Variants in CSMD1 observed in about 807,000 individuals in gnomAD.
CSMD1 encodes CUB and sushi domain-containing protein 1.
A neutral mutation model predicts 417.5 loss-of-function variants in CSMD1; 213 were observed. That is an observed-to-expected ratio of 0.51 (90% CI 0.46 to 0.57). The LOEUF is 0.57. CSMD1 is among the 20% of genes least tolerant of loss of function. The pLI, the probability that CSMD1 is intolerant of heterozygous loss-of-function variation, is 0.00. For missense variants in CSMD1, 6,923 were observed against 4,529.7 expected, an observed-to-expected ratio of 1.53 and a Z score of -15.17; for synonymous variants, 2,862 against 1,736.8, an observed-to-expected ratio of 1.65 and a Z score of -16.11.
intron 3 of CSMD1, among the ~76,000 whole-genome samples, chr8:4,197,584 A>G (rs1268560412): frequency 6.6e-6 from 1 of 152,154 alleles, no homozygotes; most frequent in African/African-American, 2.4e-5. Flanking sequence ...CTGGCTAATA[A>G]AAATCATCTT....
At position 3,648,674 on chromosome 8, in the gene CSMD1, A is replaced by T. The variant is rs530768648; in HGVS notation, c.1010-31877T>A. On this transcript the variant is annotated intron_variant, in intron 7 of 69. Coordinates refer to ENST00000635120, the MANE Select transcript of CSMD1 (RefSeq NM_033225.6). Reference sequence around the variant, plus strand: ...TGACCTTACTTTGAAACATACGGCTATACCAAATCCTATAAAAATGGTCTA... The same window carrying T: ...TGACCTTACTTTGAAACATACGGCTTTACCAAATCCTATAAAAATGGTCTA... Among the ~76,000 whole-genome samples, 12 of 152,342 alleles carry T rather than the reference A, an allele frequency of 7.9e-5. No individual in the cohort carries two copies. In the South Asian group the frequency reaches 2.3e-3, roughly 29 times the overall value.
chr8:4,262,146 T>A (rs1803930766), intron 3 of CSMD1, among the ~76,000 whole-genome samples: 1 of 152,192 alleles, frequency 6.6e-6, no homozygotes, highest in Admixed American at 6.5e-5. Flanking sequence ...CTAATTCTGC[T>A]ATTTGTAGAT....
intron 1 of CSMD1, 29 bp downstream of exon 1, chr8:4,994,303 C>T: frequency 1.9e-6 from 3 of 1,602,220 alleles, no homozygotes; most frequent in Non-Finnish European, 2.6e-6. Context: ...GCTCTACCGC[C>T]TCCCCGGCCA....
chr8:3,073,471 G>C (rs570072777), intron 49 of CSMD1, among the ~76,000 whole-genome samples: 11 of 152,320 alleles, frequency 7.2e-5, no homozygotes, highest in East Asian at 1.9e-4. Flanking sequence ...ATTCACTCTA[G>C]AATAGGAAGC....
At chr8:3,222,731 T>C (rs1158098041) in intron 28 of CSMD1, among the ~76,000 whole-genome samples, 2 of 152,132 alleles carry the variant, frequency 1.3e-5, no homozygotes, top group Non-Finnish European at 2.9e-5. Context: ...AGCCAGTGAG[T>C]GTTCACTGGT....
chr8:4,844,812 G>A (rs1053599909), intron 1 of CSMD1, among the ~76,000 whole-genome samples: 15 of 152,052 alleles, frequency 9.9e-5, no homozygotes, highest in South Asian at 4.2e-4. Flanking sequence ...TCTCATTCAC[G>A]GGACAATCCA....
At chr8:4,556,591 G>C (rs900679895) in intron 2 of CSMD1, among the ~76,000 whole-genome samples, 2 of 152,108 alleles carry the variant, frequency 1.3e-5, no homozygotes, top group African/African-American at 4.8e-5. Context: ...AAGAATAAAC[G>C]AATAGTATAT....
chr8:4,700,572 G>T (rs372901418), intron 1 of CSMD1, among the ~76,000 whole-genome samples: 2 of 152,086 alleles, frequency 1.3e-5, no homozygotes, highest in East Asian at 3.9e-4. Context: ...AGTGTGATTT[G>T]CTTAAGGTCT....
At chr8:4,764,188 G>A (rs1487580308) in intron 1 of CSMD1, among the ~76,000 whole-genome samples, 1 of 152,186 alleles carries the variant, frequency 6.6e-6, no homozygotes, top group African/African-American at 2.4e-5. Flanking sequence ...AATCATGAGA[G>A]TGACCATGTG....
chr8:3,075,798 T>G (rs536989174), intron 49 of CSMD1, among the ~76,000 whole-genome samples: 2 of 151,364 alleles, frequency 1.3e-5, no homozygotes, highest in African/African-American at 4.9e-5. Flanking sequence ...TCTCAGCACT[T>G]TGGGAGGCCA....
chr8:3,705,401 G>A (rs959041407), intron 7 of CSMD1, among the ~76,000 whole-genome samples: 1 of 152,188 alleles, frequency 6.6e-6, no homozygotes, highest in African/African-American at 2.4e-5. Context: ...GCTGCTAGCA[G>A]TGTCCACCCC....
At chr8:4,891,562 A>G (rs904601089) in intron 1 of CSMD1, among the ~76,000 whole-genome samples, 2 of 152,094 alleles carry the variant, frequency 1.3e-5, no homozygotes, top group African/African-American at 4.8e-5. Flanking sequence ...AATTCCTAGC[A>G]TCTTGCAATT....
chr8:3,327,425 G>C (rs772550180), intron 23 of CSMD1, among the ~76,000 whole-genome samples: 1 of 152,104 alleles, frequency 6.6e-6, no homozygotes, highest in Non-Finnish European at 1.5e-5. Flanking sequence ...GAGCCACCTC[G>C]TCCGGCCTAC....
chr8:4,941,884 G>A (rs899055003), intron 1 of CSMD1, among the ~76,000 whole-genome samples: 3 of 152,154 alleles, frequency 2.0e-5, no homozygotes, highest in Non-Finnish European at 2.9e-5. Context: ...ACAGGTGTGA[G>A]CCACCACATC....
chr8:4,057,518 G>A (rs963097032), intron 3 of CSMD1, among the ~76,000 whole-genome samples: 1 of 152,082 alleles, frequency 6.6e-6, no homozygotes, highest in African/African-American at 2.4e-5. Context: ...GTTTTGCTGT[G>A]CAGAAGCTCT....
intron 3 of CSMD1, among the ~76,000 whole-genome samples, chr8:4,172,043 C>A (rs1380335073): frequency 1.3e-5 from 2 of 152,102 alleles, no homozygotes; most frequent in African/African-American, 4.8e-5. Flanking sequence ...AAAGGAAACA[C>A]AATGCACGAT....
intron 2 of CSMD1, among the ~76,000 whole-genome samples, chr8:4,451,893 T>G (rs1799168922): frequency 6.6e-6 from 1 of 151,152 alleles, no homozygotes; most frequent in Non-Finnish European, 1.5e-5. Context: ...TCTTTTTTCT[T>G]CCACACTAAA....
At position 4,033,250 on chromosome 8, in the gene CSMD1, C is replaced by A. The variant is rs909248243; in HGVS notation, c.416-1151G>T. On this transcript the variant is annotated intron_variant, in intron 3 of 69. Coordinates refer to ENST00000635120, the MANE Select transcript of CSMD1 (RefSeq NM_033225.6). The stretch of plus-strand genomic sequence containing the variant: ...GGTCAAGAGATCGAGACCATCCTGG[C>A]TAACACGGTGAAACCCTGTCTCTAC... 3.3e-5 allele frequency among the ~76,000 whole-genome samples: 5 copies of A among 151,146 alleles called. No homozygotes were observed. In the South Asian group the frequency reaches 6.3e-4, roughly 19 times the overall value.
intron 1 of CSMD1, among the ~76,000 whole-genome samples, chr8:4,706,130 C>T (rs1246356277): frequency 1.3e-5 from 2 of 150,058 alleles, no homozygotes; most frequent in Non-Finnish European, 1.5e-5. Flanking sequence ...CTATATATTA[C>T]ATATTTTATA....
Sources: allele counts gnomAD v4.1 joint callset (sites outside exome capture counted in the v4.1 genomes callset), GRCh38; gene constraint gnomAD v4.1.1; transcripts MANE v1.5; gene names NCBI Gene and HGNC (gene_info 2026-07-23, HGNC 2026-07-21).